The following ZFYVE26 variants were observed in gnomAD, a reference collection of about 807,000 sequenced individuals.
ZFYVE26 encodes the protein zinc finger FYVE-type containing 26, also known as zinc finger FYVE domain-containing protein 26.
Under a neutral mutation model 276.5 loss-of-function variants are expected in ZFYVE26, and 181 were observed. The ratio of observed to expected loss-of-function variants is 0.65; its 90% confidence interval spans 0.58 to 0.74. The LOEUF (loss-of-function observed/expected upper bound fraction) is 0.74. Among genes scored for constraint, ZFYVE26 ranks in the 30% least tolerant of loss-of-function variants. The probability of loss-of-function intolerance (pLI) is 0.00; values close to 1 mark genes in which losing one functional copy is unlikely to be tolerated. For synonymous variants in ZFYVE26, 1,129 were observed against 1,203.1 expected, an observed-to-expected ratio of 0.94 and a Z score of 1.27; for missense variants, 2,821 against 3,097.9, an observed-to-expected ratio of 0.91 and a Z score of 2.12.
intron 41 of ZFYVE26, among the ~76,000 whole-genome samples, chr14:67,749,833 A>G (rs775690911): frequency 2.6e-5 from 4 of 152,200 alleles, no homozygotes; most frequent in Admixed American, 6.5e-5. Flanking sequence ...TAAGCTAAAT[A>G]CATATCACAA....
chr14:67,732,429 CAAAA>C (rs11310522), intron 13 of ZFYVE26, among the ~76,000 whole-genome samples: 6 of 126,490 alleles, frequency 4.7e-5, no homozygotes, highest in Non-Finnish European at 6.6e-5. Flanking sequence ...GACCCTATCT[CAAAA>C]AAAAAAAAAA....
In ZFYVE26 at chr14:67,761,389, C is replaced by A; in HGVS notation, c.6565G>T (p.Ala2189Ser). The A allele has an allele frequency of 6.2e-7, 1 of 1,613,530 alleles. No individual in the cohort carries two copies. The highest frequency in any genetic ancestry group is 8.5e-7 in the Non-Finnish European group (1 of 1,179,720). The change falls in exon 35 of 42, where the codon GCT becomes TCT. Residue 2189 changes from alanine (A) to serine (S), a missense_variant. Coordinates refer to ENST00000347230, the MANE Select transcript of ZFYVE26 (RefSeq NM_015346.4). The stretch of plus-strand genomic sequence containing the variant: ...ACCTTGTTGAGAAGGTGCAGAAGAG[C>A]TTCCCGCAGGCAGCTGTGCCTCACG... ...FYVRHSCLRE[A>S]LLHLLNKESP...
chr14:67,730,310 C>T (rs1401274573), intron 13 of ZFYVE26, among the ~76,000 whole-genome samples: 1 of 152,170 alleles, frequency 6.6e-6, no homozygotes, highest in Non-Finnish European at 1.5e-5. Context: ...AGCCACTAGC[C>T]ACATGTTGCT....
At chr14:67,804,483 C>G (rs1427602531) in intron 8 of ZFYVE26, among the ~76,000 whole-genome samples, 1 of 152,152 alleles carries the variant, frequency 6.6e-6, no homozygotes, top group Non-Finnish European at 1.5e-5. Flanking sequence ...CTAGAAAGGT[C>G]CTAGAAAGGG....
At chr14:67,800,522 C>G (rs374222649) in intron 10 of ZFYVE26, among the ~76,000 whole-genome samples, 1 of 152,166 alleles carries the variant, frequency 6.6e-6, no homozygotes, top group East Asian at 1.9e-4. Context: ...AGAAAACACA[C>G]AGGGTGAGGG....
In ZFYVE26 at chr14:67,781,481, C is replaced by T. The variant is rs764171055; in HGVS notation, c.4421G>A (p.Arg1474Lys). Residue 1474 changes from arginine (R) to lysine (K), a missense_variant, in exon 22 of 42, where the codon AGA (arginine) becomes AAA (lysine). Transcript: ENST00000347230. ...CACAAACTGTAGGGCCAGCCGACTT[C>T]TCAGAGATGCATCCTTCACGGGAAA... is the stretch of plus-strand genomic sequence containing the variant. ...YLFPVKDASL[R>K]SRLALQFVDR... The T allele has an allele frequency of 9.9e-6, 16 of 1,614,210 alleles. No homozygotes were observed. Among genetic ancestry groups the T allele is most frequent in the Non-Finnish European group, 1.3e-5 (15 of 1,180,046 alleles).
At chr14:67,764,704 G>A (rs1164777094) in intron 32 of ZFYVE26, among the ~76,000 whole-genome samples, 4 of 152,196 alleles carry the variant, frequency 2.6e-5, no homozygotes, top group Non-Finnish European at 4.4e-5. Flanking sequence ...TAGAGTGGGC[G>A]TGTCTGAATG....
chr14:67,804,079 A>G, intron 9 of ZFYVE26, 22 bp downstream of exon 9: 6 of 1,613,652 alleles, frequency 3.7e-6, no homozygotes, highest in Non-Finnish European at 5.1e-6. Context: ...AATCCTGGCC[A>G]GGTCATTCCA....
intron 10 of ZFYVE26, among the ~76,000 whole-genome samples, chr14:67,801,405 A>G (rs2040075931): frequency 6.6e-6 from 1 of 152,136 alleles, no homozygotes; most frequent in African/African-American, 2.4e-5. Context: ...CCTCAATTCT[A>G]TTTCCACTTA....
intron 10 of ZFYVE26, 87 bp downstream of exon 10, chr14:67,801,992 A>G: frequency 6.8e-7 from 1 of 1,473,122 alleles, no homozygotes; most frequent in Admixed American, 1.7e-5. Context: ...CCCACTCCCA[A>G]TCTTGGTGGA....
chr14:67,766,195 G>T, intron 32 of ZFYVE26, 32 bp downstream of exon 32: 1 of 1,605,016 alleles, frequency 6.2e-7, no homozygotes, highest in Non-Finnish European at 8.5e-7. Context: ...AACTGCTCCT[G>T]TGTAAAAGAA....
Position 67,754,059 on chromosome 14 carries a change from C to T in ZFYVE26, c.7128+12G>A, listed in dbSNP as rs199517648. The T allele has an allele frequency of 3.1e-5, 50 of 1,614,086 alleles. No individual in the cohort carries two copies. Among genetic ancestry groups the T allele is most frequent in the Non-Finnish European group, 2.3e-5 (27 of 1,180,034 alleles). The stretch of plus-strand genomic sequence containing the variant: ...ACAATAGTCTGCCAGAGGTCTGAAA[C>T]GCTGCATGTACCTTGCAGGCAACAT... On this transcript the variant is annotated intron_variant, in intron 38 of 41. Coordinates refer to ENST00000347230, the MANE Select transcript of ZFYVE26 (RefSeq NM_015346.4).
At chr14:67,752,863 T>C (rs1032146874) in intron 39 of ZFYVE26, among the ~76,000 whole-genome samples, 3 of 152,158 alleles carry the variant, frequency 2.0e-5, no homozygotes, top group African/African-American at 7.2e-5. Flanking sequence ...TTTGCTGCCC[T>C]GGACACCTGG....
chr14:67,751,160 C>T, intron 40 of ZFYVE26, 64 bp from the exon 41 acceptor site: 1 of 1,585,494 alleles, frequency 6.3e-7, no homozygotes, highest in Non-Finnish European at 8.7e-7. Flanking sequence ...AGCCAGGGCC[C>T]AACCCAGCCT....
chr14:67,783,077 G>A lies in ZFYVE26; in HGVS notation c.4075C>T (p.Leu1359Phe). 6.2e-7 allele frequency: 1 copy of A among 1,613,952 alleles called. No individual in the cohort carries two copies. The highest frequency in any genetic ancestry group is 8.5e-7 in the Non-Finnish European group (1 of 1,179,842). Residue 1359 changes from leucine to phenylalanine, a missense_variant, in exon 21 of 42, where the codon CTT (leucine) becomes TTT (phenylalanine). Transcript: ENST00000347230. The stretch of plus-strand genomic sequence containing the variant: ...TCAAACAGAGGGAATTGTTCCAGAA[G>A]GCGCTCACACTCCCGGGCTACCTGC... The part of the protein sequence containing the change: ...AEQVARECER[L>F]LEQFPLFEAF...
chr14:67,803,142 TC>T (rs2040111408), intron 9 of ZFYVE26, among the ~76,000 whole-genome samples: 1 of 152,074 alleles, frequency 6.6e-6, no homozygotes, highest in South Asian at 2.1e-4. Flanking sequence ...GATCACTTGA[TC>T]CCAAGAGTTT....
intron 35 of ZFYVE26, among the ~76,000 whole-genome samples, chr14:67,757,640 GTCTTTCTT>G (rs57285258): frequency 0.032 from 4,828 of 148,970 alleles, 93 homozygotes; most frequent in Middle Eastern, 0.038. Flanking sequence ...AGATATTTTT[GTCTTTCTT>G]TCTTTCTTTC....
intron 41 of ZFYVE26, chr14:67,750,555 C>G (rs1158592384): frequency 5.3e-6 from 1 of 189,544 alleles, no homozygotes; most frequent in Non-Finnish European, 1.1e-5. Context: ...TTTTCCCAAA[C>G]AGGGACGAGT....
chr14:67,755,278 C>A, intron 36 of ZFYVE26, 28 bp from the exon 37 acceptor site: 1 of 1,612,722 alleles, frequency 6.2e-7, no homozygotes, highest in South Asian at 1.1e-5. Flanking sequence ...ATGTTCAGGT[C>A]AAAGTAGATC....
Sources: allele counts gnomAD v4.1 joint callset (sites outside exome capture counted in the v4.1 genomes callset), GRCh38; gene constraint gnomAD v4.1.1; transcripts MANE v1.5; gene names NCBI Gene and HGNC (gene_info 2026-07-23, HGNC 2026-07-21).